The following CASTOR2 variants were observed in gnomAD, a reference collection of about 807,000 sequenced individuals.
The protein encoded by CASTOR2 is cytosolic arginine sensor for mTORC1 subunit 2.
CASTOR2 carries 8 observed loss-of-function variants against 31.2 expected under a neutral mutation model. The ratio of observed to expected loss-of-function variants is 0.26; its 90% CI spans 0.15 to 0.46. The LOEUF (loss-of-function observed/expected upper bound fraction) is 0.46, where lower values mean the gene tolerates loss of function less well. Ranked by LOEUF, CASTOR2 falls within the 20% of genes least tolerant of loss-of-function variation. CASTOR2 has a pLI of 0.99. For synonymous variants in CASTOR2, 162 were observed against 158.7 expected, an observed-to-expected ratio of 1.02 and a Z score of -0.16; for missense variants, 216 against 382.1, an observed-to-expected ratio of 0.57 and a Z score of 3.62.
intron 2 of CASTOR2, among the ~76,000 whole-genome samples, 183 bp downstream of exon 2, chr7:75,008,247 C>G (rs1242268830): frequency 5.3e-5 from 8 of 151,942 alleles, no homozygotes; most frequent in African/African-American, 1.9e-4. Flanking sequence ...CTCTCCCTGG[C>G]TTCTGGAGGG....
intron 1 of CASTOR2, among the ~76,000 whole-genome samples, chr7:74,987,473 C>T (rs1254280584): frequency 6.6e-6 from 1 of 151,962 alleles, no homozygotes; most frequent in Non-Finnish European, 1.5e-5. Flanking sequence ...TTAAGTCGCT[C>T]AAACACACAC....
intron 1 of CASTOR2, among the ~76,000 whole-genome samples, chr7:74,972,150 T>G (rs1803691272): frequency 7.1e-6 from 1 of 141,746 alleles, no homozygotes; most frequent in Non-Finnish European, 1.5e-5. Context: ...GGTTAATTTA[T>G]TTTACTCTGT....
At chr7:75,018,357 T>C (rs1371751673) in intron 4 of CASTOR2, among the ~76,000 whole-genome samples, 1 of 152,014 alleles carries the variant, frequency 6.6e-6, no homozygotes, top group Non-Finnish European at 1.5e-5. Flanking sequence ...CTGACCAACA[T>C]GGAGAAACCC....
chr7:74,990,113 G>T (rs1184859865), intron 1 of CASTOR2, among the ~76,000 whole-genome samples: 1 of 152,108 alleles, frequency 6.6e-6, no homozygotes, highest in South Asian at 2.1e-4. Flanking sequence ...TTGGTGCCGG[G>T]TGCGGTGGCT....
chr7:75,015,022 G>A (rs1247483689), intron 2 of CASTOR2, among the ~76,000 whole-genome samples: 1 of 152,220 alleles, frequency 6.6e-6, no homozygotes, highest in Non-Finnish European at 1.5e-5. Context: ...TTTCTGTGCA[G>A]CCGCCTGCCT....
At chr7:74,998,325 C>T (rs1157026357) in intron 1 of CASTOR2, among the ~76,000 whole-genome samples, 2 of 152,126 alleles carry the variant, frequency 1.3e-5, no homozygotes, top group African/African-American at 2.4e-5. Context: ...GAAATGGGGC[C>T]GGGCACGGTG....
At chr7:74,996,937 G>A (rs1207640842) in intron 1 of CASTOR2, among the ~76,000 whole-genome samples, 1 of 151,094 alleles carries the variant, frequency 6.6e-6, no homozygotes, top group Non-Finnish European at 1.5e-5. Context: ...GTTTCACCAT[G>A]TTGGCCAGGT....
At chr7:74,987,172 A>C (rs1417997412) in intron 1 of CASTOR2, among the ~76,000 whole-genome samples, 3 of 152,148 alleles carry the variant, frequency 2.0e-5, no homozygotes, top group African/African-American at 7.2e-5. Flanking sequence ...CGGGAGGCCA[A>C]GGTGGGCAGA....
At chr7:74,994,024 G>A (rs1290952342) in intron 1 of CASTOR2, among the ~76,000 whole-genome samples, 5 of 152,204 alleles carry the variant, frequency 3.3e-5, no homozygotes, top group African/African-American at 1.2e-4. Context: ...GAGAGGCCCC[G>A]TGTGAGGGCC....
chr7:74,979,392 A>AT (rs56307933), intron 1 of CASTOR2, among the ~76,000 whole-genome samples: 1,363 of 117,924 alleles, frequency 0.012, 18 homozygotes, highest in East Asian at 0.029. Context: ...ATGTTCCCAT[A>AT]TTTTTTTTTT....
At chr7:74,985,059 C>G (rs1804031377) in intron 1 of CASTOR2, among the ~76,000 whole-genome samples, 1 of 152,170 alleles carries the variant, frequency 6.6e-6, no homozygotes, top group Non-Finnish European at 1.5e-5. Context: ...ATCATTTGAA[C>G]CCAAGAGGTG....
intron 7 of CASTOR2, among the ~76,000 whole-genome samples, chr7:75,023,800 C>G (rs1805063670): frequency 6.6e-6 from 1 of 152,140 alleles, no homozygotes; most frequent in Non-Finnish European, 1.5e-5. Flanking sequence ...AGAACAGTAC[C>G]AAGAGGATGA....
rs1452602202 is a variant in CASTOR2, at chr7:74,973,038, A to G, written c.113+7940A>G. On this transcript the variant is annotated intron_variant, in intron 1 of 8. Coordinates refer to ENST00000616305, the MANE Select transcript of CASTOR2 (RefSeq NM_001145064.3). ...GCTTAAAATTGCAAAAAGTCCATGC[A>G]GAGCCCTCATTCCTCGCAACACATT... Among the ~76,000 whole-genome samples the G allele has an allele frequency of 2.0e-5, 3 of 149,440 alleles. 1 individual carries two copies. Among genetic ancestry groups the G allele is most frequent in the Non-Finnish European group, 4.5e-5 (3 of 67,370 alleles).
intron 1 of CASTOR2, among the ~76,000 whole-genome samples, chr7:74,983,819 G>A (rs1322490223): frequency 6.6e-6 from 1 of 150,894 alleles, no homozygotes; most frequent in African/African-American, 2.4e-5. Context: ...ACAGGGTCTC[G>A]CTCGGTCACC....
chr7:75,008,185 C>G (rs1213698553), intron 2 of CASTOR2, 121 bp downstream of exon 2: 8 of 1,255,554 alleles, frequency 6.4e-6, no homozygotes, highest in Non-Finnish European at 9.3e-6. Flanking sequence ...TACCTCCTTA[C>G]TTCTGCCCTC....
At chr7:75,016,414 G>A (rs1184860001) in intron 2 of CASTOR2, among the ~76,000 whole-genome samples, 1 of 152,164 alleles carries the variant, frequency 6.6e-6, no homozygotes, top group Non-Finnish European at 1.5e-5. Flanking sequence ...CAGCCCCTGG[G>A]ACTTCCAGGC....
chr7:75,027,790 G>T lies in CASTOR2; in HGVS notation c.*3091G>T. The T allele has an allele frequency of 1.8e-6, 1 of 556,342 alleles. No individual in the cohort carries two copies. 34.5% of individuals were successfully genotyped at this position (556,342 alleles called of 1,614,324 possible). A position where few individuals can be genotyped will look rare whatever the true frequency, so the allele number is the denominator to read the frequency against. On this transcript the variant is annotated 3_prime_UTR_variant, in exon 9 of 9. Transcript: ENST00000616305. ...CGTGTAAAGCTTGGTTTATCTTCTC[G>T]GCGTTCTGTGTGTAGCGTAGTCTTG...
At chr7:74,981,632 C>T (rs1479967146) in intron 1 of CASTOR2, among the ~76,000 whole-genome samples, 2 of 149,626 alleles carry the variant, frequency 1.3e-5, no homozygotes, top group African/African-American at 5.0e-5. Context: ...TTACCATGTT[C>T]CCCAGGCTGG....
chr7:74,979,116 G>A (rs1272637863), intron 1 of CASTOR2, among the ~76,000 whole-genome samples: 11 of 152,158 alleles, frequency 7.2e-5, no homozygotes, highest in African/African-American at 2.4e-4. Flanking sequence ...GCAGTGAGCC[G>A]AGATTGTGCC....
Sources: gnomAD v4.1 joint callset for allele counts (sites outside exome capture counted in the v4.1 genomes callset) on GRCh38, gnomAD v4.1.1 for gene constraint, MANE v1.5 for transcripts, NCBI Gene and HGNC (gene_info 2026-07-23, HGNC 2026-07-21) for gene names.